Variants in SPMIP5 observed in about 807,000 individuals in gnomAD.
SPMIP5 encodes sperm microtubule inner protein 5.
At chr10:116,664,246 T>C in the SPMIP5 span, 2 of 1,607,984 alleles carry the variant, frequency 1.2e-6, no homozygotes, top group African/African-American at 2.7e-5. Flanking sequence ...GGAGCAGAAG[T>C]TTTTGTGGAG....
the SPMIP5 span, chr10:116,665,648 G>A: frequency 3.1e-6 from 5 of 1,613,960 alleles, no homozygotes; most frequent in African/African-American, 4.0e-5. Context: ...ACTGGTGCAG[G>A]GCCTGCAGGA....
chr10:116,665,717 T>C, the SPMIP5 span: 1 of 1,614,122 alleles, frequency 6.2e-7, no homozygotes, highest in East Asian at 2.2e-5. Context: ...CGCAGCACAA[T>C]TCCCGCAGCT....
the SPMIP5 span, among the ~76,000 whole-genome samples, chr10:116,667,990 A>G: frequency 6.6e-6 from 1 of 152,214 alleles, no homozygotes; most frequent in African/African-American, 2.4e-5. Context: ...CATTGTGTCT[A>G]TCCTGGTCCA....
chr10:116,663,058 T>G, the SPMIP5 span, among the ~76,000 whole-genome samples: 1 of 151,690 alleles, frequency 6.6e-6, no homozygotes, highest in African/African-American at 2.4e-5. Context: ...GGTGGGCGCC[T>G]GTAGTCCCAG....
At chr10:116,664,056 G>A in the SPMIP5 span, 2 of 1,601,620 alleles carry the variant, frequency 1.2e-6, no homozygotes, top group Non-Finnish European at 1.7e-6. Flanking sequence ...TTCCATCTAG[G>A]AGAGGAACCG....
the SPMIP5 span, chr10:116,665,052 C>T: frequency 1.1e-5 from 17 of 1,506,276 alleles, no homozygotes; most frequent in South Asian, 2.2e-4. Context: ...TCTCCTAGTT[C>T]TCAGACCAGC....
chr10:116,664,003 G>T, the SPMIP5 span: 2 of 1,549,034 alleles, frequency 1.3e-6, no homozygotes, highest in Non-Finnish European at 1.7e-6. Context: ...TGTCAGCGGA[G>T]TTTTGGGGTC....
chr10:116,664,303 G>A, the SPMIP5 span: 1 of 1,445,600 alleles, frequency 6.9e-7, no homozygotes, highest in Non-Finnish European at 9.4e-7. Flanking sequence ...CAAAGTTATG[G>A]ACCTTTTATT....
At chr10:116,664,665 T>C in the SPMIP5 span, 1 of 1,538,198 alleles carries the variant, frequency 6.5e-7, no homozygotes, top group South Asian at 1.3e-5. Flanking sequence ...CAAATAGTCC[T>C]AGTGCTGGGA....
chr10:116,663,536 G>A, the SPMIP5 span, among the ~76,000 whole-genome samples: 999 of 152,242 alleles, frequency 6.6e-3, 11 homozygotes, highest in African/African-American at 0.023. Flanking sequence ...TGTCTGCGCC[G>A]CTGTCAGGAA....
At chr10:116,664,168 C>T in the SPMIP5 span, 12 of 1,614,006 alleles carry the variant, frequency 7.4e-6, no homozygotes, top group African/African-American at 4.0e-5. Context: ...AGACATTTCT[C>T]CTCACCTGGA....
At chr10:116,666,354 C>T in the SPMIP5 span, among the ~76,000 whole-genome samples, 1 of 152,072 alleles carries the variant, frequency 6.6e-6, no homozygotes, top group Non-Finnish European at 1.5e-5. Context: ...CATTTCCCAC[C>T]AAGTAACATA....
the SPMIP5 span, among the ~76,000 whole-genome samples, chr10:116,663,181 CAAAA>C: frequency 3.1e-5 from 3 of 96,906 alleles, no homozygotes; most frequent in Non-Finnish European, 2.0e-5. Flanking sequence ...GATTCTGTCT[CAAAA>C]AAAAAAAAAA....
At chr10:116,664,570 G>A in the SPMIP5 span, 12 of 1,148,068 alleles carry the variant, frequency 1.0e-5, no homozygotes, top group African/African-American at 9.5e-5. Context: ...GGAATGCTGA[G>A]CACAGGTTGG....
the SPMIP5 span, among the ~76,000 whole-genome samples, chr10:116,662,232 T>TA: frequency 6.6e-6 from 1 of 152,236 alleles, no homozygotes; most frequent in Admixed American, 6.5e-5. Flanking sequence ...GCCATTTCTT[T>TA]ATTCTTATAT....
chr10:116,665,856 C>A, the SPMIP5 span: 1 of 1,574,310 alleles, frequency 6.4e-7, no homozygotes, highest in East Asian at 2.3e-5. Context: ...TCACAGCCTT[C>A]AGCAAGACTG....
chr10:116,668,943 A>G, the SPMIP5 span, among the ~76,000 whole-genome samples: 1 of 149,988 alleles, frequency 6.7e-6, no homozygotes, highest in South Asian at 2.3e-4. Flanking sequence ...GCACACACAC[A>G]CACACACACA....
At chr10:116,668,200 A>G in the SPMIP5 span, 1 of 1,514,426 alleles carries the variant, frequency 6.6e-7, no homozygotes, top group Non-Finnish European at 9.2e-7. Context: ...AGGCAGGGAC[A>G]GTGACCAGGA....
At chr10:116,664,813 A>G in the SPMIP5 span, 2 of 1,614,104 alleles carry the variant, frequency 1.2e-6, no homozygotes, top group East Asian at 2.2e-5. Flanking sequence ...ATCTCCAGGA[A>G]GTCCTTGTAG....
Sources: gnomAD v4.1 joint callset for allele counts (sites outside exome capture counted in the v4.1 genomes callset) on GRCh38, gnomAD v4.1.1 for gene constraint, MANE v1.5 for transcripts, NCBI Gene and HGNC (gene_info 2026-07-23, HGNC 2026-07-21) for gene names.